The following ZNF71 variants were observed in gnomAD, a reference collection of about 807,000 sequenced individuals.
ZNF71 encodes the protein zinc finger protein 71.
A neutral mutation model predicts 6.7 loss-of-function variants in ZNF71; 3 were observed. That is an observed-to-expected ratio of 0.45 (90% CI 0.20 to 1.16). The LOEUF (loss-of-function observed/expected upper bound fraction) is 1.16. Among genes scored for constraint, ZNF71 ranks in the 50% most tolerant of loss-of-function variants. The pLI is 0.25. For synonymous variants in ZNF71, 343 were observed against 311.1 expected (o/e 1.10, Z -1.08); for missense variants, 688 against 728.6 (o/e 0.94, Z 0.64).
At chr19:56,600,218 T>TTTTTTTTTTTTTTTTG (rs2044660246) in intron 1 of ZNF71, among the ~76,000 whole-genome samples, 1 of 10,504 alleles carries the variant, frequency 9.5e-5, no homozygotes, top group African/African-American at 3.5e-4. Context: ...TGAGACGGAG[T>TTTTTTTTTTTTTTTTG]CTCGCTCTGT....
chr19:56,608,520 C>T (rs189609359), intron 2 of ZNF71, among the ~76,000 whole-genome samples: 203 of 152,250 alleles, frequency 1.3e-3, no homozygotes, highest in Non-Finnish European at 1.3e-3. Context: ...CTCGTGCTTA[C>T]GTACACTTGG....
chr19:56,596,890 A>C (rs1476503951), intron 1 of ZNF71, among the ~76,000 whole-genome samples: 3 of 152,130 alleles, frequency 2.0e-5, no homozygotes, highest in African/African-American at 7.2e-5. Flanking sequence ...AACAATGGAA[A>C]TGGAAGAAAG....
At chr19:56,597,159 G>T (rs1259732673) in intron 1 of ZNF71, among the ~76,000 whole-genome samples, 1 of 152,130 alleles carries the variant, frequency 6.6e-6, no homozygotes, top group African/African-American at 2.4e-5. Flanking sequence ...AAGAAATTAA[G>T]ACCTTCCTAT....
chr19:56,605,346 A>C (rs949955056), intron 2 of ZNF71, among the ~76,000 whole-genome samples: 9 of 152,294 alleles, frequency 5.9e-5, no homozygotes, highest in Non-Finnish European at 1.2e-4. Flanking sequence ...CACAAGGAAA[A>C]GTGATGTGGA....
At chr19:56,617,079 G>C (rs867895755) in intron 3 of ZNF71, among the ~76,000 whole-genome samples, 4 of 151,348 alleles carry the variant, frequency 2.6e-5, no homozygotes, top group Non-Finnish European at 5.9e-5. Context: ...TAACTCTGGT[G>C]AGTAAGATTA....
chr19:56,611,471 C>T (rs1255747709), intron 2 of ZNF71, among the ~76,000 whole-genome samples: 1 of 152,174 alleles, frequency 6.6e-6, no homozygotes, highest in Non-Finnish European at 1.5e-5. Flanking sequence ...TCCAGCCTCC[C>T]TCCAGTGCCC....
chr19:56,597,561 G>A (rs970308035), intron 1 of ZNF71, among the ~76,000 whole-genome samples: 25 of 152,326 alleles, frequency 1.6e-4, no homozygotes, highest in Admixed American at 7.2e-4. Flanking sequence ...CTAAAGGTAT[G>A]CATAAAACTG....
At position 56,624,047 on chromosome 19, in the gene ZNF71, G is replaced by A. The variant is rs2044889196; in HGVS notation, c.*1290G>A. ...TACACATAAGAGTGTTCCCCAAAGT[G>A]CACTTTCTCTGGGGCCTTTTAGGCC... On this transcript the variant is annotated 3_prime_UTR_variant, in exon 4 of 4. Transcript: ENST00000599599. The A allele has an allele frequency of 6.0e-6, 1 of 167,038 alleles. No homozygotes were observed. The highest frequency in any genetic ancestry group is 1.5e-5 in the Non-Finnish European group (1 of 68,122). The allele number at this position is 167,038 out of a possible 1,614,324, so 10.3% of individuals were successfully genotyped here.
intron 3 of ZNF71, among the ~76,000 whole-genome samples, chr19:56,616,599 T>C (rs140548620): frequency 5.9e-5 from 9 of 152,348 alleles, no homozygotes; most frequent in African/African-American, 2.2e-4. Flanking sequence ...TCCTTTCAGA[T>C]GTTTTTTTCC....
intron 3 of ZNF71, among the ~76,000 whole-genome samples, chr19:56,620,433 A>G (rs183831946): frequency 1.3e-5 from 2 of 152,350 alleles, no homozygotes; most frequent in African/African-American, 4.8e-5. Context: ...TGGAGAATAG[A>G]AAGTGGGTCG....
intron 2 of ZNF71, among the ~76,000 whole-genome samples, chr19:56,612,064 T>C (rs375900485): frequency 1.4e-4 from 21 of 152,344 alleles, no homozygotes; most frequent in African/African-American, 5.1e-4. Context: ...GGCGTGGATG[T>C]GGTGAAAAGG....
In ZNF71 at chr19:56,621,893, T is replaced by G; in HGVS notation, c.786T>G (p.Thr262=). 1 of 1,586,990 alleles carries G rather than the reference T, an allele frequency of 6.3e-7. No homozygotes were observed. Among genetic ancestry groups the G allele is most frequent in the Non-Finnish European group, 8.6e-7 (1 of 1,167,492 alleles). The change falls in exon 4 of 4, where the codon ACT becomes ACG. Residue 262 remains threonine (T), a synonymous_variant. Transcript: ENST00000599599. ...CCTTCAGCCAGCGCATGAACCTCAC[T>G]GTGCACCAGCGCACGCACACGGGCG... ...GKAFSQRMNL[T]VHQRTHTGEK... is the part of the protein sequence containing the mutation.
At chr19:56,621,212 C>G in intron 3 of ZNF71, 56 bp from the exon 4 acceptor site, 1 of 1,490,702 alleles carries the variant, frequency 6.7e-7, no homozygotes, top group Non-Finnish European at 8.9e-7. Flanking sequence ...GGAGCTTCCT[C>G]ACTCCCAGCA....
chr19:56,617,357 A>G (rs888357157), intron 3 of ZNF71, among the ~76,000 whole-genome samples: 1 of 152,126 alleles, frequency 6.6e-6, no homozygotes, highest in Non-Finnish European at 1.5e-5. Flanking sequence ...GATCTGCCTG[A>G]TTCAGCCTCC....
At chr19:56,616,758 TCTC>T (rs1367011342) in intron 3 of ZNF71, among the ~76,000 whole-genome samples, 2 of 152,176 alleles carry the variant, frequency 1.3e-5, no homozygotes, top group Admixed American at 1.3e-4. Context: ...CTCAGCTCTG[TCTC>T]CTCAACTTGG....
intron 2 of ZNF71, among the ~76,000 whole-genome samples, chr19:56,602,381 T>A (rs1431827775): frequency 3.3e-5 from 5 of 152,242 alleles, no homozygotes; most frequent in African/African-American, 1.2e-4. Flanking sequence ...TATTTCCACA[T>A]CAGTTACGGC....
At position 56,622,787 on chromosome 19, in the gene ZNF71, T is replaced by TGCCCAGGACGGACGCCAGATGGCTGC; in HGVS notation, c.*33_*58dup. 6.4e-7 allele frequency: 1 copy of TGCCCAGGACGGACGCCAGATGGCTGC among 1,559,748 alleles called. No homozygotes were observed. Among genetic ancestry groups the TGCCCAGGACGGACGCCAGATGGCTGC allele is most frequent in the Non-Finnish European group, 8.7e-7 (1 of 1,151,048 alleles). On this transcript the variant is annotated 3_prime_UTR_variant, in exon 4 of 4. Coordinates refer to ENST00000599599, the MANE Select transcript of ZNF71 (RefSeq NM_001370215.1). ...CTCTGTGCAGGGCTCTCACTGGCGG[T>TGCCCAGGACGGACGCCAGATGGCTGC]GCCCAGGACGGACGCCAGATGGCTG...
At position 56,603,413 on chromosome 19, in the gene ZNF71, T is replaced by C. The variant is rs1195130355; in HGVS notation, c.33+1822T>C. Among the ~76,000 whole-genome samples the C allele has an allele frequency of 1.3e-5, 2 of 152,256 alleles. No homozygotes were observed. Among genetic ancestry groups the C allele is most frequent in the African/African-American group, 2.4e-5 (1 of 41,470 alleles). On this transcript the variant is annotated intron_variant, in intron 2 of 3. Coordinates refer to ENST00000599599, the MANE Select transcript of ZNF71 (RefSeq NM_001370215.1). This position sits in a 1 kb window ranked among gnomAD's most constrained non-coding sequence, Gnocchi z 4.6. The stretch of plus-strand genomic sequence containing the variant: ...CACATATAGAGCTTCATTCCTTTTT[T>C]TGACTGAATAATATTCCAGTGTGTG...
At chr19:56,619,518 A>T (rs2044826490) in intron 3 of ZNF71, among the ~76,000 whole-genome samples, 1 of 152,142 alleles carries the variant, frequency 6.6e-6, no homozygotes, top group Non-Finnish European at 1.5e-5. Flanking sequence ...TTCGTATCGG[A>T]TGTGTTAGGC....
Sources: gnomAD v4.1 joint callset for allele counts (sites outside exome capture counted in the v4.1 genomes callset) on GRCh38, gnomAD v4.1.1 for gene constraint, Gnocchi (gnomAD v3.1) non-coding constraint, MANE v1.5 for transcripts, NCBI Gene and HGNC (gene_info 2026-07-23, HGNC 2026-07-21) for gene names.